CELF2: variants seen among roughly 807,000 people sequenced by gnomAD.
The protein encoded by CELF2 is CUG triplet repeat RNA-binding protein 2.
CELF2 carries 8 observed loss-of-function variants against 62.6 expected under a neutral mutation model. The ratio of observed to expected loss-of-function variants is 0.13; its 90% CI spans 0.07 to 0.23. The LOEUF (loss-of-function observed/expected upper bound fraction) is 0.23, where lower values mean the gene tolerates loss of function less well. Ranked by LOEUF, CELF2 falls within the 10% of genes least tolerant of loss-of-function variation. CELF2 has a pLI of 1.00. For missense variants in CELF2, 333 were observed against 671.0 expected, an observed-to-expected ratio of 0.50 and a Z score of 5.56; for synonymous variants, 258 against 250.0, an observed-to-expected ratio of 1.03 and a Z score of -0.30.
chr10:11,104,936 G>T (rs1000098050), intron 1 of CELF2, among the ~76,000 whole-genome samples: 10 of 152,076 alleles, frequency 6.6e-5, no homozygotes, highest in Middle Eastern at 3.2e-3. Flanking sequence ...GAGCTGCAGG[G>T]GCAGCTGCCA....
chr10:11,222,847 T>C (rs2065281735), intron 3 of CELF2, among the ~76,000 whole-genome samples: 1 of 152,272 alleles, frequency 6.6e-6, no homozygotes, highest in Admixed American at 6.5e-5. Flanking sequence ...TGAATGTAGA[T>C]ACGTTATCAC....
At chr10:11,292,633 A>C (rs1294465939) in intron 9 of CELF2, among the ~76,000 whole-genome samples, 1 of 152,182 alleles carries the variant, frequency 6.6e-6, no homozygotes, top group Non-Finnish European at 1.5e-5. Flanking sequence ...GTATCACCAG[A>C]TGGGAAAGAG....
At position 11,010,377 on chromosome 10, in the gene CELF2, C is replaced by A. The variant is rs1564365276; in HGVS notation, c.53+4937C>A. The stretch of plus-strand genomic sequence containing the variant: ...AGTGGAAACCTCAGTGCTAAAAGAA[C>A]AATCGAATCAGTACTGGCCTTCTCT... On this transcript the variant is annotated intron_variant, in intron 1 of 12. Transcript: ENST00000416382. This position sits in a 1 kb window ranked among gnomAD's most constrained non-coding sequence, Gnocchi z 4.1. Among the ~76,000 whole-genome samples the A allele has an allele frequency of 6.6e-6, 1 of 152,174 alleles. No individual in the cohort carries two copies. The highest frequency in any genetic ancestry group is 1.5e-5 in the Non-Finnish European group (1 of 68,034).
chr10:11,081,755 AAGTATTGGCAAAGGGTTTCT>A (rs1340913043), intron 1 of CELF2, among the ~76,000 whole-genome samples: 1 of 152,122 alleles, frequency 6.6e-6, no homozygotes, highest in Admixed American at 6.5e-5. Context: ...TCTGGTAAAT[AAGTATTGGCAAAGGGTTTCT>A]AGTGTGTATC....
intron 1 of CELF2, among the ~76,000 whole-genome samples, chr10:11,025,658 A>G (rs1158569950): frequency 1.3e-5 from 2 of 152,214 alleles, no homozygotes; most frequent in African/African-American, 4.8e-5. Flanking sequence ...CTAATACAGC[A>G]TAGGTCTTCG....
In CELF2 at chr10:11,202,043, A is replaced by G. The variant is rs140137129; in HGVS notation, c.272-15382A>G. 2.4e-3 allele frequency among the ~76,000 whole-genome samples: 361 copies of G among 152,250 alleles called. 1 individual carries two copies. Among genetic ancestry groups the G allele is most frequent in the Non-Finnish European group, 4.5e-3 (304 of 68,006 alleles). On this transcript the variant is annotated intron_variant, in intron 2 of 12. Transcript: ENST00000633077. Reference sequence around the variant, plus strand: ...GCATAGACAAGATCATGACTGTACCATGTAACACTAAGACATCTGTTCCTA... The same window carrying G: ...GCATAGACAAGATCATGACTGTACCGTGTAACACTAAGACATCTGTTCCTA...
intron 3 of CELF2, among the ~76,000 whole-genome samples, chr10:11,239,117 A>G (rs1335866771): frequency 1.3e-5 from 2 of 152,228 alleles, no homozygotes; most frequent in African/African-American, 4.8e-5. Context: ...CTTAATCACC[A>G]TAACAGACTC....
the CELF2 span, among the ~76,000 whole-genome samples, chr10:10,717,318 A>G: frequency 0.023 from 3,501 of 152,220 alleles, 129 homozygotes; most frequent in South Asian, 0.087. Flanking sequence ...GCTAGCATGT[A>G]CCTTTAATTT....
chr10:10,573,289 C>A, the CELF2 span, among the ~76,000 whole-genome samples: 6 of 152,258 alleles, frequency 3.9e-5, no homozygotes, highest in Non-Finnish European at 8.8e-5. Context: ...AAAGTTTTCT[C>A]CCACTCTGCT....
chr10:10,757,279 A>G, the CELF2 span, among the ~76,000 whole-genome samples: 1 of 150,670 alleles, frequency 6.6e-6, no homozygotes, highest in African/African-American at 2.4e-5. Flanking sequence ...ACAACAAAGC[A>G]AGAACCCTTC....
chr10:11,128,501 A>G (rs567016768), intron 1 of CELF2, among the ~76,000 whole-genome samples: 2 of 152,212 alleles, frequency 1.3e-5, no homozygotes, highest in Middle Eastern at 3.4e-3. Context: ...GATTCTTCCT[A>G]TCCATGAGCA....
At chr10:11,212,747 T>G (rs1374598679) in intron 2 of CELF2, among the ~76,000 whole-genome samples, 1 of 149,808 alleles carries the variant, frequency 6.7e-6, no homozygotes, top group East Asian at 2.0e-4. Flanking sequence ...GTTTTTTTTT[T>G]TTTTTTTTTT....
chr10:11,197,070 G>GAAA lies in CELF2; in HGVS notation c.272-20355_272-20354insAAA, dbSNP rs1329770894. Among the ~76,000 whole-genome samples, 73 of 78,120 alleles carry GAAA rather than the reference G, an allele frequency of 9.3e-4. 3 individuals carry two copies. Among genetic ancestry groups the GAAA allele is most frequent in the South Asian group, 3.6e-3 (6 of 1,666 alleles). The allele number at this position is 78,120 out of a possible 152,430, so 51.2% of individuals were successfully genotyped here. A position where few individuals can be genotyped will look rare whatever the true frequency, so the allele number is the denominator to read the frequency against. On this transcript the variant is annotated intron_variant, in intron 2 of 12. Transcript: ENST00000633077. Reference sequence around the variant, plus strand: ...GAAAGAAAGAAAGAAAAGAAAGAAAGGAAAGAAAGAAAGAAGAAAGAAAGA... The same window carrying GAAA: ...GAAAGAAAGAAAGAAAAGAAAGAAAGAAAGAAAGAAAGAAAGAAGAAAGAAAGA...
At chr10:11,158,298 G>A (rs952633884) in intron 1 of CELF2, among the ~76,000 whole-genome samples, 1 of 152,162 alleles carries the variant, frequency 6.6e-6, no homozygotes, top group Non-Finnish European at 1.5e-5. Flanking sequence ...AAAGTTAGGG[G>A]CAGTCACACT....
At chr10:10,868,564 A>C (rs2060527381) in intron 1 of CELF2, among the ~76,000 whole-genome samples, 1 of 152,180 alleles carries the variant, frequency 6.6e-6, no homozygotes. Context: ...CTAGCCCTGG[A>C]TGGGGGAGCA....
chr10:10,736,275 T>G, the CELF2 span, among the ~76,000 whole-genome samples: 3 of 152,220 alleles, frequency 2.0e-5, no homozygotes, highest in African/African-American at 7.2e-5. Flanking sequence ...ACGAATGTGG[T>G]CCACTCTCTA....
At chr10:10,919,697 A>G (rs1196774044) in intron 1 of CELF2, among the ~76,000 whole-genome samples, 1 of 152,202 alleles carries the variant, frequency 6.6e-6, no homozygotes, top group Non-Finnish European at 1.5e-5. Context: ...TTACATTTTA[A>G]TGTTTTGAAC....
chr10:10,754,810 G>A, the CELF2 span, among the ~76,000 whole-genome samples: 1 of 152,118 alleles, frequency 6.6e-6, no homozygotes, highest in Admixed American at 6.6e-5. Flanking sequence ...ATGCTCCAAG[G>A]CCTCTCCTAA....
At chr10:11,239,419 G>A (rs1000707570) in intron 3 of CELF2, among the ~76,000 whole-genome samples, 3 of 152,202 alleles carry the variant, frequency 2.0e-5, no homozygotes, top group African/African-American at 4.8e-5. Flanking sequence ...CCAGGTGACC[G>A]AGAAAGGCCA....
Sources: allele counts gnomAD v4.1 joint callset (sites outside exome capture counted in the v4.1 genomes callset), GRCh38; gene constraint gnomAD v4.1.1; non-coding constraint Gnocchi (gnomAD v3.1); transcripts MANE v1.5; gene names NCBI Gene and HGNC (gene_info 2026-07-23, HGNC 2026-07-21).